SELENOI: variants seen among roughly 807,000 people sequenced by gnomAD.
The protein encoded by SELENOI is ethanolaminephosphotransferase 1.
Under a neutral mutation model 50.7 loss-of-function variants are expected in SELENOI, and 24 were observed. The observed-to-expected ratio is 0.47, with a 90% CI of 0.34 to 0.67. SELENOI has a LOEUF of 0.67. SELENOI is among the 30% of genes least tolerant of loss of function. The pLI is 0.01. For synonymous variants in SELENOI, 155 were observed against 170.2 expected, an observed-to-expected ratio of 0.91 and a Z score of 0.70; for missense variants, 352 against 461.4, an observed-to-expected ratio of 0.76 and a Z score of 2.17.
rs141504370 is a variant in SELENOI at position 26,371,826 on chromosome 2, G to C, written c.311-1541G>C. On this transcript the variant is annotated intron_variant, in intron 4 of 9. Transcript: ENST00000260585. ...GATGGCAGCAGTATAGTCCAGCTTC[G>C]GCTCGGCATGAGAGGGAGACCATGG... 2.7e-3 allele frequency among the ~76,000 whole-genome samples: 407 copies of C among 152,056 alleles called. 1 individual carries two copies. The highest frequency in any genetic ancestry group is 9.3e-3 in the African/African-American group (387 of 41,532).
intron 5 of SELENOI, among the ~76,000 whole-genome samples, chr2:26,374,251 G>A (rs1195676585): frequency 6.6e-6 from 1 of 152,126 alleles, no homozygotes; most frequent in Admixed American, 6.5e-5. Context: ...TAATTGAATG[G>A]TTGGCTTTTT....
intron 1 of SELENOI, among the ~76,000 whole-genome samples, chr2:26,347,781 GA>G (rs1676832978): frequency 6.6e-6 from 1 of 152,086 alleles, no homozygotes; most frequent in African/African-American, 2.4e-5. Flanking sequence ...TTTATAATAG[GA>G]AATCTCCTTT....
Position 26,384,994 on chromosome 2 carries a change from T to C in SELENOI, c.767T>C (p.Val256Ala). ...AATAACACCTTGAAACTCAATTCAG[T>C]CTATGAAGCTATGGTTCCCTTATTT... ...YKNNTLKLNSVYEAMVPLFSP... is the reference protein window; with the variant it reads ...YKNNTLKLNSAYEAMVPLFSP... Residue 256 changes from valine (V) to alanine (A), a missense_variant, in exon 8 of 10, where the codon GTC becomes GCC. Physicochemically the swap from Val to Ala is moderately conservative, Grantham distance 64 (BLOSUM62 0). Transcript: ENST00000260585. 5 of 1,611,228 alleles carry C rather than the reference T, an allele frequency of 3.1e-6. No individual in the cohort carries two copies. The highest frequency in any genetic ancestry group is 4.2e-6 in the Non-Finnish European group (5 of 1,179,096).
rs981269407 is a variant in SELENOI, at chr2:26,395,445, G to A, written c.*6342G>A. On this transcript the variant is annotated 3_prime_UTR_variant, in exon 10 of 10. Transcript: ENST00000260585. ...TTGAGAAAGATGGCTGCTTCCACCA[G>A]GGTGGAGGCTTCTAGGTCTGCATGA... 8.5e-5 allele frequency: 13 copies of A among 152,372 alleles called. No homozygotes were observed. The highest frequency in any genetic ancestry group is 3.1e-4 in the African/African-American group (13 of 41,452). The allele number at this position is 152,372 out of a possible 1,614,324, so 9.4% of individuals were successfully genotyped here. A position where few individuals can be genotyped will look rare whatever the true frequency, so the allele number is the denominator to read the frequency against.
intron 7 of SELENOI, 73 bp from the exon 8 acceptor site, chr2:26,384,886 A>G (rs1043448505): frequency 9.3e-7 from 1 of 1,079,138 alleles, no homozygotes; most frequent in Non-Finnish European, 1.3e-6. Context: ...TAAGGAAACT[A>G]TAAACTACAG....
At chr2:26,360,330 C>A (rs1432164744) in intron 1 of SELENOI, among the ~76,000 whole-genome samples, 1 of 152,128 alleles carries the variant, frequency 6.6e-6, no homozygotes, top group Non-Finnish European at 1.5e-5. Flanking sequence ...AATCTTTCTT[C>A]CTGTTTGAAC....
chr2:26,387,323 G>T (rs1677864535), intron 9 of SELENOI, among the ~76,000 whole-genome samples: 1 of 152,046 alleles, frequency 6.6e-6, no homozygotes, highest in African/African-American at 2.4e-5. Context: ...CCACCAAGGA[G>T]ATTACTTAAT....
At chr2:26,368,956 T>C (rs1040371511) in intron 4 of SELENOI, among the ~76,000 whole-genome samples, 1 of 152,242 alleles carries the variant, frequency 6.6e-6, no homozygotes, top group Non-Finnish European at 1.5e-5. Context: ...TTCAACAATA[T>C]ATTATGCCAC....
chr2:26,371,395 C>G (rs535378683), intron 4 of SELENOI, among the ~76,000 whole-genome samples: 8 of 151,402 alleles, frequency 5.3e-5, no homozygotes, highest in African/African-American at 1.7e-4. Flanking sequence ...CGGGCAGAGA[C>G]GCTCCTCACT....
chr2:26,360,285 A>C (rs1229023900), intron 1 of SELENOI, among the ~76,000 whole-genome samples: 2 of 152,228 alleles, frequency 1.3e-5, no homozygotes, highest in Non-Finnish European at 2.9e-5. Context: ...GTGTAAGGCG[A>C]GAGCACAGAG....
At chr2:26,367,063 G>A (rs1407755250) in intron 3 of SELENOI, 83 bp from the exon 4 acceptor site, 12 of 1,135,142 alleles carry the variant, frequency 1.1e-5, no homozygotes, top group Middle Eastern at 2.0e-4. Context: ...AACAAATAGC[G>A]ACACTTCTCA....
chr2:26,390,970 G>A lies in SELENOI; in HGVS notation c.*1867G>A, dbSNP rs1478802538. 6.6e-6 allele frequency: 1 copy of A among 152,144 alleles called. No individual in the cohort carries two copies. Among genetic ancestry groups the A allele is most frequent in the African/African-American group, 2.4e-5 (1 of 41,434 alleles). 9.4% of individuals were successfully genotyped at this position (152,144 alleles called of 1,614,324 possible). Reference sequence around the variant, plus strand: ...TTGTACACAAGAATGAGATTAATCTGTATTATATAAGAAAAGAACTGATAA... The same window carrying A: ...TTGTACACAAGAATGAGATTAATCTATATTATATAAGAAAAGAACTGATAA... On this transcript the variant is annotated 3_prime_UTR_variant, in exon 10 of 10. Transcript: ENST00000260585.
At chr2:26,375,227 C>T in intron 6 of SELENOI, 79 bp downstream of exon 6, 1 of 872,662 alleles carries the variant, frequency 1.1e-6, no homozygotes. Context: ...TAACAAGCAA[C>T]AACACCCTTT....
chr2:26,358,417 C>T (rs932073350), intron 1 of SELENOI, among the ~76,000 whole-genome samples: 1 of 152,026 alleles, frequency 6.6e-6, no homozygotes, highest in African/African-American at 2.4e-5. Context: ...CAAAAAAAAC[C>T]TTTTATAGCC....
intron 6 of SELENOI, among the ~76,000 whole-genome samples, 162 bp downstream of exon 6, chr2:26,375,310 T>C (rs2147956902): frequency 6.6e-6 from 1 of 152,082 alleles, no homozygotes; most frequent in East Asian, 1.9e-4. Flanking sequence ...TTAAGAAAAA[T>C]AAGGTTTCCC....
chr2:26,373,591 A>T lies in SELENOI; in HGVS notation c.535A>T (p.Ile179Phe). The change falls in exon 5 of 10, where the codon ATT becomes TTT. Residue 179 changes from isoleucine to phenylalanine, a missense_variant. By Grantham distance (21) the Ile-to-Phe change is conservative. Transcript: ENST00000260585. ...CCACTGGGAAAAGTATAACACAGGG[A>T]TTCTTTTCCTGCCATGGGGATATGA... is the stretch of plus-strand genomic sequence containing the variant. ...LSHWEKYNTG[I>F]LFLPWGYDIS... The T allele has an allele frequency of 1.2e-6, 2 of 1,613,950 alleles. No individual in the cohort carries two copies.
chr2:26,360,597 G>T (rs189437248), intron 1 of SELENOI, among the ~76,000 whole-genome samples: 5 of 152,286 alleles, frequency 3.3e-5, no homozygotes, highest in Admixed American at 2.0e-4. Context: ...CACTATATTA[G>T]GTATTCATGT....
chr2:26,358,975 T>A (rs1032234227), intron 1 of SELENOI, among the ~76,000 whole-genome samples: 1 of 152,188 alleles, frequency 6.6e-6, no homozygotes, highest in Non-Finnish European at 1.5e-5. Flanking sequence ...CTAGACCACA[T>A]GTTTGTGTTG....
intron 4 of SELENOI, among the ~76,000 whole-genome samples, chr2:26,368,820 T>C (rs960538621): frequency 3.9e-5 from 6 of 152,182 alleles, no homozygotes; most frequent in African/African-American, 1.4e-4. Flanking sequence ...GTTAAGCCAG[T>C]AAATAATGAG....
Sources: gnomAD v4.1 joint callset for allele counts (sites outside exome capture counted in the v4.1 genomes callset) on GRCh38, gnomAD v4.1.1 for gene constraint, MANE v1.5 for transcripts, NCBI Gene and HGNC (gene_info 2026-07-23, HGNC 2026-07-21) for gene names.